ASNS: variants seen among roughly 807,000 people sequenced by gnomAD.
The protein encoded by ASNS is asparagine synthetase (glutamine-hydrolyzing), also known as asparagine synthetase [glutamine-hydrolyzing].
ASNS carries 37 observed loss-of-function variants against 62.6 expected under a neutral mutation model. The ratio of observed to expected loss-of-function variants is 0.59; its 90% confidence interval spans 0.45 to 0.78. ASNS has a LOEUF of 0.78. Ranked by LOEUF, ASNS falls within the 30% of genes least tolerant of loss-of-function variation. The probability of loss-of-function intolerance (pLI) is 0.00; values close to 1 mark genes in which losing one functional copy is unlikely to be tolerated. For missense variants in ASNS, 520 were observed against 682.4 expected, an observed-to-expected ratio of 0.76 and a Z score of 2.65; for synonymous variants, 207 against 237.9, an observed-to-expected ratio of 0.87 and a Z score of 1.19.
At chr7:97,915,613 GC>G in the ASNS span, among the ~76,000 whole-genome samples, 1 of 152,114 alleles carries the variant, frequency 6.6e-6, no homozygotes, top group South Asian at 2.1e-4. Context: ...ACAGGGGGTT[GC>G]TGTGACTGAG....
At chr7:97,887,281 G>T in the ASNS span, among the ~76,000 whole-genome samples, 1 of 152,138 alleles carries the variant, frequency 6.6e-6, no homozygotes, top group Admixed American at 6.5e-5. Context: ...CCCCAGTCAG[G>T]CCCCCATTGC....
rs545583970 is a variant in ASNS at position 97,865,569 on chromosome 7, T to C, written c.250-1073A>G. On this transcript the variant is annotated intron_variant, in intron 3 of 12. Transcript: ENST00000394308. Reference sequence around the variant, plus strand: ...GGTAGCTCTAGTCCTTCAATATCTCTATCACACATTTTCACCATGTCATCT... The same window carrying C: ...GGTAGCTCTAGTCCTTCAATATCTCCATCACACATTTTCACCATGTCATCT... Among the ~76,000 whole-genome samples the C allele has an allele frequency of 1.2e-4, 18 of 152,328 alleles. No individual in the cohort carries two copies. The East Asian group carries it at 3.5e-3, about 29-fold the overall frequency.
chr7:97,900,412 G>A, the ASNS span, among the ~76,000 whole-genome samples: 2 of 148,344 alleles, frequency 1.3e-5, no homozygotes, highest in African/African-American at 5.0e-5. Context: ...TGGTGAGGAT[G>A]CAGAGAAATT....
the ASNS span, among the ~76,000 whole-genome samples, chr7:97,912,617 C>G: frequency 7.5e-6 from 1 of 132,858 alleles, no homozygotes; most frequent in Non-Finnish European, 1.5e-5. Context: ...GAGCCTCGCT[C>G]TGTCGCCCAG....
the ASNS span, among the ~76,000 whole-genome samples, chr7:97,880,725 A>T: frequency 6.6e-6 from 1 of 152,206 alleles, no homozygotes; most frequent in Non-Finnish European, 1.5e-5. Context: ...AAACAGAAAG[A>T]CATTGGCAGG....
intron 1 of ASNS, among the ~76,000 whole-genome samples, chr7:97,871,515 C>A (rs1336155677): frequency 1.1e-4 from 15 of 138,976 alleles, no homozygotes; most frequent in African/African-American, 3.9e-4. Context: ...AAAAAAAAAA[C>A]TGCTGTTAAA....
the ASNS span, among the ~76,000 whole-genome samples, chr7:97,903,848 T>C: frequency 6.6e-6 from 1 of 152,222 alleles, no homozygotes; most frequent in Non-Finnish European, 1.5e-5. Context: ...GATTAATGTG[T>C]TTAATTTGGG....
intron 10 of ASNS, among the ~76,000 whole-genome samples, chr7:97,854,100 A>G (rs1352344082): frequency 1.3e-5 from 2 of 152,248 alleles, no homozygotes; most frequent in Non-Finnish European, 2.9e-5. Context: ...GGTTCTTTAT[A>G]ATGTAATCAA....
intron 10 of ASNS, 142 bp downstream of exon 10, chr7:97,854,438 C>A (rs17279084): frequency 2.0e-6 from 2 of 1,007,568 alleles, no homozygotes; most frequent in East Asian, 2.6e-5. Flanking sequence ...AAAAGTCACA[C>A]TTTGTAACAT....
At chr7:97,922,445 T>A in the ASNS span, among the ~76,000 whole-genome samples, 1 of 152,084 alleles carries the variant, frequency 6.6e-6, no homozygotes, top group African/African-American at 2.4e-5. Context: ...GGTGGGGAAG[T>A]GGGCAGATGC....
the ASNS span, among the ~76,000 whole-genome samples, chr7:97,893,518 G>T: frequency 9.2e-5 from 14 of 152,374 alleles, no homozygotes; most frequent in African/African-American, 3.1e-4. Flanking sequence ...GACTGAAAGT[G>T]AAGGGATGGA....
chr7:97,907,511 G>A, the ASNS span, among the ~76,000 whole-genome samples: 1 of 152,194 alleles, frequency 6.6e-6, no homozygotes, highest in African/African-American at 2.4e-5. Context: ...GCTCACACCT[G>A]TAATCCCAGC....
At chr7:97,883,076 T>C in the ASNS span, among the ~76,000 whole-genome samples, 2 of 152,160 alleles carry the variant, frequency 1.3e-5, no homozygotes, top group Non-Finnish European at 2.9e-5. Context: ...GGCCAAACTA[T>C]TATAGTAACA....
chr7:97,885,379 T>A, the ASNS span, among the ~76,000 whole-genome samples: 4 of 152,214 alleles, frequency 2.6e-5, no homozygotes, highest in African/African-American at 9.6e-5. Context: ...TGGACGGACA[T>A]ATATTTTCAT....
chr7:97,916,015 C>A, the ASNS span, among the ~76,000 whole-genome samples: 1 of 152,198 alleles, frequency 6.6e-6, no homozygotes, highest in Non-Finnish European at 1.5e-5. Flanking sequence ...CAGCTGGACA[C>A]ACATACACCC....
At chr7:97,881,343 A>G in the ASNS span, among the ~76,000 whole-genome samples, 1 of 151,856 alleles carries the variant, frequency 6.6e-6, no homozygotes, top group African/African-American at 2.4e-5. Context: ...AGCAATCATC[A>G]TCTCTGTCTA....
the ASNS span, among the ~76,000 whole-genome samples, chr7:97,907,585 G>A: frequency 1.6e-4 from 24 of 152,078 alleles, no homozygotes; most frequent in East Asian, 3.9e-4. Context: ...TGGCTAACAC[G>A]GTGAAACCCC....
At chr7:97,864,767 G>A (rs185433800) in intron 3 of ASNS, among the ~76,000 whole-genome samples, 1 of 152,126 alleles carries the variant, frequency 6.6e-6, no homozygotes, top group African/African-American at 2.4e-5. Context: ...CCTGTGGAGG[G>A]ATGGAAATGT....
chr7:97,900,360 C>A, the ASNS span, among the ~76,000 whole-genome samples: 36,401 of 90,182 alleles, frequency 0.4, 7,474 homozygotes, highest in East Asian at 0.59. Flanking sequence ...GACTTTGTCT[C>A]AAAAAAAAAA....
Sources: gnomAD v4.1 joint callset for allele counts (sites outside exome capture counted in the v4.1 genomes callset) on GRCh38, gnomAD v4.1.1 for gene constraint, MANE v1.5 for transcripts, NCBI Gene and HGNC (gene_info 2026-07-23, HGNC 2026-07-21) for gene names.